TTBK2: variants seen among roughly 807,000 people sequenced by gnomAD.
TTBK2 encodes the protein tau tubulin kinase 2, also known as tau-tubulin kinase 2.
TTBK2 carries 28 observed loss-of-function variants against 110.8 expected under a neutral mutation model. The ratio of observed to expected loss-of-function variants is 0.25; its 90% CI spans 0.19 to 0.35. TTBK2 has a LOEUF of 0.35. TTBK2 is among the 10% of genes least tolerant of loss of function. The probability of loss-of-function intolerance (pLI) is 1.00; values close to 1 mark genes in which losing one functional copy is unlikely to be tolerated. For synonymous variants in TTBK2, 532 were observed against 527.3 expected (o/e 1.01, Z -0.12); for missense variants, 1,369 against 1,500.3 (o/e 0.91, Z 1.45).
intron 5 of TTBK2, among the ~76,000 whole-genome samples, chr15:42,829,154 A>T (rs775661075): frequency 4.6e-5 from 7 of 152,258 alleles, no homozygotes; most frequent in African/African-American, 1.7e-4. Flanking sequence ...CTGTACCAAC[A>T]TATGATACAT....
chr15:42,788,826 T>C (rs1890519115), intron 10 of TTBK2, among the ~76,000 whole-genome samples: 1 of 152,218 alleles, frequency 6.6e-6, no homozygotes, highest in African/African-American at 2.4e-5. Context: ...GTTTTCCTTT[T>C]AATAGGTGAG....
At chr15:42,789,298 T>TGC (rs1890541910) in intron 10 of TTBK2, among the ~76,000 whole-genome samples, 1 of 88,462 alleles carries the variant, frequency 1.1e-5, no homozygotes, top group Non-Finnish European at 2.8e-5. Context: ...TATACGTGTG[T>TGC]GTGTGTATAT....
At chr15:42,889,740 C>A (rs1370625697) in intron 1 of TTBK2, among the ~76,000 whole-genome samples, 1 of 152,116 alleles carries the variant, frequency 6.6e-6, no homozygotes, top group African/African-American at 2.4e-5. Flanking sequence ...TTCTACACGA[C>A]AAATGCTCCT....
chr15:42,885,303 G>C (rs777354801), intron 1 of TTBK2, among the ~76,000 whole-genome samples: 2 of 152,164 alleles, frequency 1.3e-5, no homozygotes, highest in East Asian at 3.9e-4. Context: ...ACCAGCCCAA[G>C]GAACATCTCA....
At chr15:42,760,503 A>C (rs1015826163) in intron 13 of TTBK2, among the ~76,000 whole-genome samples, 1 of 152,174 alleles carries the variant, frequency 6.6e-6, no homozygotes, top group Non-Finnish European at 1.5e-5. Context: ...AGGTCTTTTG[A>C]ATAACTCAGG....
At chr15:42,878,341 C>T (rs1894899390) in intron 2 of TTBK2, among the ~76,000 whole-genome samples, 1 of 151,792 alleles carries the variant, frequency 6.6e-6, no homozygotes, top group African/African-American at 2.4e-5. Flanking sequence ...TAGTACTATA[C>T]GAAGCAAGAG....
intron 3 of TTBK2, among the ~76,000 whole-genome samples, chr15:42,850,080 T>C (rs1035632816): frequency 6.6e-6 from 1 of 152,114 alleles, no homozygotes; most frequent in Non-Finnish European, 1.5e-5. Context: ...CAGACCACAG[T>C]TCCTCCCATC....
intron 11 of TTBK2, among the ~76,000 whole-genome samples, chr15:42,782,586 T>C (rs753191698): frequency 7.2e-5 from 11 of 152,238 alleles, no homozygotes; most frequent in African/African-American, 2.4e-4. Context: ...GCACAGCACA[T>C]AGCTTAGTAA....
intron 9 of TTBK2, among the ~76,000 whole-genome samples, chr15:42,810,183 G>T (rs1891646031): frequency 6.6e-6 from 1 of 152,096 alleles, no homozygotes; most frequent in African/African-American, 2.4e-5. Flanking sequence ...CAGGCAAAAT[G>T]GAGCCAATTT....
chr15:42,837,424 G>A (rs1000764633), intron 4 of TTBK2, among the ~76,000 whole-genome samples: 8 of 151,352 alleles, frequency 5.3e-5, no homozygotes, highest in Non-Finnish European at 8.8e-5. Flanking sequence ...TTGGGAGGCC[G>A]AGGTAGGTGG....
At chr15:42,803,890 G>A (rs1224374868) in intron 9 of TTBK2, among the ~76,000 whole-genome samples, 1 of 151,468 alleles carries the variant, frequency 6.6e-6, no homozygotes, top group Non-Finnish European at 1.5e-5. Context: ...AGCCAGATGT[G>A]GTGGTGCACA....
At chr15:42,758,580 A>G (rs2061977821) in intron 13 of TTBK2, among the ~76,000 whole-genome samples, 1 of 149,412 alleles carries the variant, frequency 6.7e-6, no homozygotes, top group South Asian at 2.1e-4. Context: ...ACTTGAACCC[A>G]TGAGGCAGAG....
intron 9 of TTBK2, chr15:42,801,319 C>A (rs747243904): frequency 6.2e-7 from 1 of 1,601,390 alleles, no homozygotes. Context: ...CGCGCCATGT[C>A]TTGACTGGCT....
chr15:42,807,978 G>A (rs1891545032), intron 9 of TTBK2, among the ~76,000 whole-genome samples: 1 of 152,072 alleles, frequency 6.6e-6, no homozygotes, highest in Non-Finnish European at 1.5e-5. Flanking sequence ...TAGGTGCCAG[G>A]TGTAATATGG....
Position 42,801,638 on chromosome 15 carries a change from A to AT in TTBK2, c.823-6838dup, listed in dbSNP as rs1341190687. ...GTACTGCACCTTGACCTCAGGGATGATGCTGTCCATGTCCAGGAAGCGGCT... is the reference window on the plus strand; with the variant it reads ...GTACTGCACCTTGACCTCAGGGATGATTGCTGTCCATGTCCAGGAAGCGGCT... On this transcript the variant is annotated intron_variant, in intron 9 of 14. Transcript: ENST00000267890. 4 of 837,354 alleles carry AT rather than the reference A, an allele frequency of 4.8e-6. No individual in the cohort carries two copies. The African/African-American group carries it at 6.6e-5, about 14-fold the overall frequency. 51.9% of individuals were successfully genotyped at this position (837,354 alleles called of 1,614,324 possible).
chr15:42,810,498 C>T, intron 9 of TTBK2, 116 bp downstream of exon 9: 1 of 1,274,118 alleles, frequency 7.8e-7, no homozygotes, highest in Non-Finnish European at 1.1e-6. Flanking sequence ...TGTATTAAAA[C>T]AGTCGTATTC....
Position 42,811,787 on chromosome 15 carries a change from A to C in TTBK2, c.604-7T>G, listed in dbSNP as rs747635018. The C allele has an allele frequency of 3.6e-5, 58 of 1,611,950 alleles. No homozygotes were observed. Among genetic ancestry groups the C allele is most frequent in the Non-Finnish European group, 4.7e-5 (55 of 1,178,530 alleles). The stretch of plus-strand genomic sequence containing the variant: ...CATCATGTCTTCCCATTTCCTTCAT[A>C]AACAAAACAGAATCCAGTCACATAA... On this transcript the variant is annotated splice_polypyrimidine_tract_variant and splice_region_variant and intron_variant, in intron 7 of 14. Transcript: ENST00000267890.
chr15:42,777,716 G>A (rs1380413618), intron 11 of TTBK2, among the ~76,000 whole-genome samples: 2 of 152,220 alleles, frequency 1.3e-5, no homozygotes. Context: ...AGACTACTAA[G>A]GAGCTGAGGC....
intron 1 of TTBK2, among the ~76,000 whole-genome samples, chr15:42,904,103 C>T (rs2030231150): frequency 6.6e-6 from 1 of 152,160 alleles, no homozygotes; most frequent in Non-Finnish European, 1.5e-5. Context: ...CTGCAGCATA[C>T]CTTGATTGCA....
Sources: allele counts gnomAD v4.1 joint callset (sites outside exome capture counted in the v4.1 genomes callset), GRCh38; gene constraint gnomAD v4.1.1; transcripts MANE v1.5; gene names NCBI Gene and HGNC (gene_info 2026-07-23, HGNC 2026-07-21).